CNTN1: variants seen among roughly 807,000 people sequenced by gnomAD.
CNTN1 encodes contactin-1.
Under a neutral mutation model 126.4 loss-of-function variants are expected in CNTN1, and 38 were observed. The ratio of observed to expected loss-of-function variants is 0.30; its 90% CI spans 0.23 to 0.39. The LOEUF (loss-of-function observed/expected upper bound fraction) is 0.39, where lower values mean the gene tolerates loss of function less well. Ranked by LOEUF, CNTN1 falls within the 10% of genes least tolerant of loss-of-function variation. The pLI is 1.00. For missense variants in CNTN1, 1,009 were observed against 1,248.4 expected (o/e 0.81, Z 2.89); for synonymous variants, 413 against 422.6 (o/e 0.98, Z 0.28).
chr12:40,841,996 T>G (rs1408894971), intron 1 of CNTN1, among the ~76,000 whole-genome samples: 5 of 125,578 alleles, frequency 4.0e-5, no homozygotes, highest in Non-Finnish European at 9.2e-5. Flanking sequence ...ATACAAATTT[T>G]TTTTAAAAAA....
chr12:40,806,930 A>G (rs1040438802), intron 1 of CNTN1, among the ~76,000 whole-genome samples: 2 of 152,066 alleles, frequency 1.3e-5, no homozygotes, highest in African/African-American at 2.4e-5. Context: ...CAGTTTTTTC[A>G]TAGTTATGGT....
At chr12:41,038,668 T>A (rs1949325498) in intron 23 of CNTN1, among the ~76,000 whole-genome samples, 1 of 152,148 alleles carries the variant, frequency 6.6e-6, no homozygotes, top group South Asian at 2.1e-4. Context: ...AGAGCAACTT[T>A]CACAAAATAG....
At chr12:40,901,035 A>G (rs1462051369) in intron 1 of CNTN1, among the ~76,000 whole-genome samples, 1 of 152,204 alleles carries the variant, frequency 6.6e-6, no homozygotes, top group Non-Finnish European at 1.5e-5. Context: ...TAAATGCAGT[A>G]GGAAGTAACA....
intron 1 of CNTN1, among the ~76,000 whole-genome samples, chr12:40,898,391 C>T (rs1377044385): frequency 6.6e-6 from 1 of 152,078 alleles, no homozygotes; most frequent in African/African-American, 2.4e-5. Context: ...ATATATTCTT[C>T]AAAGAAAATG....
At chr12:40,853,992 T>C (rs984676557) in intron 1 of CNTN1, among the ~76,000 whole-genome samples, 9 of 149,908 alleles carry the variant, frequency 6.0e-5, no homozygotes, top group Non-Finnish European at 1.2e-4. Flanking sequence ...AAATATTTTC[T>C]CAGCTTTTTT....
At chr12:40,835,393 C>T (rs555896997) in intron 1 of CNTN1, among the ~76,000 whole-genome samples, 2 of 152,328 alleles carry the variant, frequency 1.3e-5, no homozygotes, top group East Asian at 3.9e-4. Context: ...GATTGACCTT[C>T]AGATAATTAC....
Position 41,070,389 on chromosome 12 carries a change from G to T in CNTN1, c.*354G>T. 1 of 328,180 alleles carries T rather than the reference G, an allele frequency of 3.0e-6. No homozygotes were observed. Among genetic ancestry groups the T allele is most frequent in the South Asian group, 3.0e-5 (1 of 33,840 alleles). The allele number at this position is 328,180 out of a possible 1,614,324, so 20.3% of individuals were successfully genotyped here. ...GTGAAAGTCAAATCACCATATACAG[G>T]TGCTTTAAATTTAATAACAAGTTGT... On this transcript the variant is annotated 3_prime_UTR_variant, in exon 24 of 24. Coordinates refer to ENST00000551295, the MANE Select transcript of CNTN1 (RefSeq NM_001843.4).
At chr12:40,839,558 C>T (rs1163712808) in intron 1 of CNTN1, among the ~76,000 whole-genome samples, 1 of 152,056 alleles carries the variant, frequency 6.6e-6, no homozygotes, top group African/African-American at 2.4e-5. Context: ...ATAAAGGGAA[C>T]CCCATTAGAT....
chr12:40,699,707 G>T (rs144352127), intron 1 of CNTN1, among the ~76,000 whole-genome samples: 2 of 151,708 alleles, frequency 1.3e-5, no homozygotes, highest in African/African-American at 4.8e-5. Flanking sequence ...TTGATCCTTC[G>T]TAACAGTTTT....
chr12:40,943,729 G>A lies in CNTN1; in HGVS notation c.1507+5G>A, dbSNP rs760819548. Reference sequence around the variant, plus strand: ...CTGGAACCCTTGTTATCACAGGTAAGTTAATGTTTGAGGGTGCTTAATTTC... The same window carrying A: ...CTGGAACCCTTGTTATCACAGGTAAATTAATGTTTGAGGGTGCTTAATTTC... On this transcript the variant is annotated splice_donor_5th_base_variant and intron_variant, in intron 13 of 23. Transcript: ENST00000551295. The A allele has an allele frequency of 1.9e-6, 3 of 1,612,446 alleles. No individual in the cohort carries two copies. Among genetic ancestry groups the A allele is most frequent in the Non-Finnish European group, 8.5e-7 (1 of 1,179,070 alleles).
chr12:40,953,023 A>T (rs753490548), intron 14 of CNTN1, among the ~76,000 whole-genome samples: 1 of 152,158 alleles, frequency 6.6e-6, no homozygotes, highest in Non-Finnish European at 1.5e-5. Context: ...ACCATATAGA[A>T]TCTTTCTTTG....
chr12:40,989,226 A>G (rs1451591371), intron 16 of CNTN1, among the ~76,000 whole-genome samples: 1 of 152,198 alleles, frequency 6.6e-6, no homozygotes, highest in African/African-American at 2.4e-5. Context: ...AAAGGATCCA[A>G]TAGTTCCTAC....
intron 1 of CNTN1, among the ~76,000 whole-genome samples, chr12:40,735,659 T>C (rs547470477): frequency 9.9e-5 from 15 of 152,248 alleles, no homozygotes; most frequent in Admixed American, 2.0e-4. Context: ...AAAATAGGGA[T>C]ATCTATAATC....
chr12:41,071,257 G>A lies in CNTN1; in HGVS notation c.*1222G>A, dbSNP rs922557434. 4 of 152,132 alleles carry A rather than the reference G, an allele frequency of 2.6e-5. No individual in the cohort carries two copies. The highest frequency in any genetic ancestry group is 7.2e-5 in the African/African-American group (3 of 41,438). 9.4% of individuals were successfully genotyped at this position (152,132 alleles called of 1,614,324 possible). On this transcript the variant is annotated 3_prime_UTR_variant, in exon 24 of 24. Coordinates refer to ENST00000551295, the MANE Select transcript of CNTN1 (RefSeq NM_001843.4). ...GTCTTTCCGATGGTGTCTCCCAAGT[G>A]TTGGTGCTTTGGGTTTTTATAAGTT...
chr12:41,005,359 G>A (rs1029307303), intron 17 of CNTN1, among the ~76,000 whole-genome samples: 2 of 152,010 alleles, frequency 1.3e-5, no homozygotes. Flanking sequence ...GCTGTCTTTA[G>A]CATTTTTTCT....
chr12:40,961,083 T>C (rs538239226), intron 15 of CNTN1, among the ~76,000 whole-genome samples: 75 of 152,108 alleles, frequency 4.9e-4, no homozygotes, highest in African/African-American at 1.7e-3. Context: ...ATCACCACTA[T>C]ATGTATTTTT....
At chr12:41,054,839 T>G (rs1463517897) in intron 23 of CNTN1, among the ~76,000 whole-genome samples, 1 of 152,136 alleles carries the variant, frequency 6.6e-6, no homozygotes, top group Non-Finnish European at 1.5e-5. Flanking sequence ...TTTTAAAATA[T>G]TGTTTCAATC....
intron 23 of CNTN1, chr12:41,061,908 C>G (rs1949946012): frequency 2.5e-6 from 1 of 406,746 alleles, no homozygotes; most frequent in African/African-American, 2.1e-5. Context: ...TGTCTTTTTT[C>G]TTCTCTACCT....
At chr12:40,965,233 C>G (rs867654643) in intron 15 of CNTN1, among the ~76,000 whole-genome samples, 11 of 152,082 alleles carry the variant, frequency 7.2e-5, no homozygotes, top group African/African-American at 2.4e-4. Context: ...CTAGAAAGTT[C>G]CTACCCCTTC....
Sources: gnomAD v4.1 joint callset for allele counts (sites outside exome capture counted in the v4.1 genomes callset) on GRCh38, gnomAD v4.1.1 for gene constraint, MANE v1.5 for transcripts, NCBI Gene and HGNC (gene_info 2026-07-23, HGNC 2026-07-21) for gene names.